The following SCAMP1 variants were observed in gnomAD, a reference collection of about 807,000 sequenced individuals.
The protein encoded by SCAMP1 is secretory carrier membrane protein 1, also known as secretory carrier-associated membrane protein 1.
In SCAMP1, 15 loss-of-function variants were observed where a neutral mutation model predicts 41.8. The observed-to-expected ratio is 0.36, with a 90% CI of 0.24 to 0.55. SCAMP1 has a LOEUF of 0.55. SCAMP1 is among the 20% of genes least tolerant of loss of function. The pLI is 0.86. For synonymous variants in SCAMP1, 135 were observed against 136.8 expected, an observed-to-expected ratio of 0.99 and a Z score of 0.09; for missense variants, 341 against 412.6, an observed-to-expected ratio of 0.83 and a Z score of 1.50.
At chr5:78,378,298 G>A (rs1414268590) in intron 1 of SCAMP1, among the ~76,000 whole-genome samples, 2 of 152,198 alleles carry the variant, frequency 1.3e-5, no homozygotes, top group African/African-American at 4.8e-5. Flanking sequence ...AATGACATAT[G>A]TACAGAGAGA....
Position 78,479,993 on chromosome 5 carries a change from C to T in SCAMP1, c.*4325C>T, listed in dbSNP as rs1310127425. Among the ~76,000 whole-genome samples the T allele has an allele frequency of 6.6e-6, 1 of 151,976 alleles. No homozygotes were observed. Among genetic ancestry groups the T allele is most frequent in the Non-Finnish European group, 1.5e-5 (1 of 68,014 alleles). On this transcript the variant is annotated 3_prime_UTR_variant, in exon 9 of 9. Transcript: ENST00000621999. ...CCTGGGAGGCGGAGCTTGCAGTGAG[C>T]CGAGATCTCTCCACTGCACTCCAGC...
chr5:78,414,665 T>A (rs907623882), intron 2 of SCAMP1, among the ~76,000 whole-genome samples: 3 of 152,238 alleles, frequency 2.0e-5, no homozygotes, highest in African/African-American at 7.2e-5. Flanking sequence ...GTATATACAG[T>A]AATTTAACCA....
At chr5:78,393,510 A>C (rs568549457) in intron 2 of SCAMP1, among the ~76,000 whole-genome samples, 1 of 152,344 alleles carries the variant, frequency 6.6e-6, no homozygotes, top group South Asian at 2.1e-4. Context: ...CATTTTACAC[A>C]TTCAGAGAAA....
Position 78,468,125 on chromosome 5 carries a change from A to G in SCAMP1, c.853-7379A>G, listed in dbSNP as rs888173703. The stretch of plus-strand genomic sequence containing the variant: ...TTTCGTTGGCTTTCTGTTGTCTTGC[A>G]TAACTGAAGTGGGTCATCATTGGTG... On this transcript the variant is annotated intron_variant, in intron 8 of 8. Coordinates refer to ENST00000621999, the MANE Select transcript of SCAMP1 (RefSeq NM_004866.6). 5.9e-5 allele frequency among the ~76,000 whole-genome samples: 9 copies of G among 152,246 alleles called. No homozygotes were observed. The East Asian group carries it at 1.2e-3, about 20-fold the overall frequency.
intron 5 of SCAMP1, among the ~76,000 whole-genome samples, chr5:78,420,977 T>C (rs746415349): frequency 1.3e-5 from 2 of 152,222 alleles, no homozygotes; most frequent in Non-Finnish European, 2.9e-5. Context: ...TATAAGAATG[T>C]ACTTACTATA....
intron 2 of SCAMP1, among the ~76,000 whole-genome samples, chr5:78,392,961 T>C (rs1437613778): frequency 6.6e-6 from 1 of 152,198 alleles, no homozygotes; most frequent in African/African-American, 2.4e-5. Context: ...TGAAGCTTCT[T>C]GATTCTTGTA....
intron 2 of SCAMP1, among the ~76,000 whole-genome samples, chr5:78,394,458 A>G (rs1751598910): frequency 6.6e-6 from 1 of 152,120 alleles, no homozygotes; most frequent in Non-Finnish European, 1.5e-5. Context: ...CCTGGACTCA[A>G]GAGATCCTCC....
At chr5:78,432,374 G>T (rs1010153994) in intron 6 of SCAMP1, among the ~76,000 whole-genome samples, 2 of 151,822 alleles carry the variant, frequency 1.3e-5, no homozygotes, top group African/African-American at 4.8e-5. Flanking sequence ...TAATATTTTT[G>T]GTAGAACAGG....
At chr5:78,427,489 T>A (rs990694015) in intron 6 of SCAMP1, among the ~76,000 whole-genome samples, 1 of 152,148 alleles carries the variant, frequency 6.6e-6, no homozygotes, top group Non-Finnish European at 1.5e-5. Context: ...TACAAGTCTG[T>A]CTATGGCCAT....
At chr5:78,419,013 T>A in intron 5 of SCAMP1, 110 bp downstream of exon 5, 1 of 854,014 alleles carries the variant, frequency 1.2e-6, no homozygotes, top group Non-Finnish European at 1.8e-6. Flanking sequence ...TTTCTATAGA[T>A]AAAGCTTAAT....
At chr5:78,363,319 TCTC>T (rs1750709188) in intron 1 of SCAMP1, among the ~76,000 whole-genome samples, 3 of 151,410 alleles carry the variant, frequency 2.0e-5, no homozygotes, top group South Asian at 4.2e-4. Flanking sequence ...TTCACACCAT[TCTC>T]CTGCCTCAGA....
At chr5:78,458,712 T>G (rs1308937644) in intron 7 of SCAMP1, among the ~76,000 whole-genome samples, 1 of 152,130 alleles carries the variant, frequency 6.6e-6, no homozygotes, top group African/African-American at 2.4e-5. Context: ...AAACCCCGTC[T>G]CTACTAAAGA....
intron 1 of SCAMP1, among the ~76,000 whole-genome samples, chr5:78,384,052 C>T (rs1277989660): frequency 2.0e-5 from 3 of 152,046 alleles, no homozygotes; most frequent in African/African-American, 7.2e-5. Flanking sequence ...ATTGATTCTA[C>T]CCATCCATGA....
In SCAMP1 at chr5:78,364,741, C is replaced by T. The variant is rs191313707; in HGVS notation, c.57+4013C>T. On this transcript the variant is annotated intron_variant, in intron 1 of 8. Coordinates refer to ENST00000621999, the MANE Select transcript of SCAMP1 (RefSeq NM_004866.6). ...TCTGGGCTTGATCCTGGCTTTGACA[C>T]TAACTGGTTGTGAGACCTTGGAAAG... Among the ~76,000 whole-genome samples the T allele has an allele frequency of 5.3e-5, 8 of 152,202 alleles. No homozygotes were observed. The East Asian group carries it at 7.7e-4, about 15-fold the overall frequency.
intron 6 of SCAMP1, among the ~76,000 whole-genome samples, chr5:78,434,984 A>G (rs370093642): frequency 1.3e-5 from 2 of 152,226 alleles, no homozygotes; most frequent in African/African-American, 4.8e-5. Context: ...GGAAATATGG[A>G]TAAATGGTAG....
chr5:78,454,318 G>A (rs981901544), intron 7 of SCAMP1, among the ~76,000 whole-genome samples: 2 of 152,026 alleles, frequency 1.3e-5, no homozygotes, highest in Non-Finnish European at 2.9e-5. Context: ...TGGCTGTGGG[G>A]TTGTCATAGA....
At chr5:78,411,431 T>C (rs1752071810) in intron 2 of SCAMP1, among the ~76,000 whole-genome samples, 1 of 152,178 alleles carries the variant, frequency 6.6e-6, no homozygotes, top group African/African-American at 2.4e-5. Context: ...ATGGAGATTT[T>C]AAAAATACAA....
chr5:78,470,276 A>G (rs1753855494), intron 8 of SCAMP1, among the ~76,000 whole-genome samples: 4 of 152,222 alleles, frequency 2.6e-5, no homozygotes, highest in Admixed American at 2.6e-4. Context: ...ACTAATGTCT[A>G]TTTCCAGAAC....
intron 1 of SCAMP1, 39 bp from the exon 2 acceptor site, chr5:78,388,798 A>G (rs1442201392): frequency 9.4e-7 from 1 of 1,067,812 alleles, no homozygotes; most frequent in Non-Finnish European, 1.4e-6. Context: ...TTTTTAAAGG[A>G]TAAGTAATCT....
Sources: gnomAD v4.1 joint callset for allele counts (sites outside exome capture counted in the v4.1 genomes callset) on GRCh38, gnomAD v4.1.1 for gene constraint, MANE v1.5 for transcripts, NCBI Gene and HGNC (gene_info 2026-07-23, HGNC 2026-07-21) for gene names.